Variants in NPAS2 observed in about 807,000 individuals in gnomAD.
NPAS2 encodes the protein neuronal PAS domain protein 2.
NPAS2 carries 23 observed loss-of-function variants against 107.5 expected under a neutral mutation model. The observed-to-expected ratio is 0.21, with a 90% CI of 0.15 to 0.30. NPAS2 has a LOEUF of 0.30. Among genes scored for constraint, NPAS2 ranks in the 10% least tolerant of loss-of-function variants. The pLI is 1.00. For missense variants in NPAS2, 756 were observed against 1,043.3 expected (o/e 0.72, Z 3.79); for synonymous variants, 403 against 417.5 (o/e 0.97, Z 0.42).
At chr2:100,878,710 A>G (rs1310041132) in intron 1 of NPAS2, 1 of 576,188 alleles carries the variant, frequency 1.7e-6, no homozygotes, top group Admixed American at 6.3e-5. Context: ...ACTGATACCC[A>G]ACTATAAGGG....
intron 14 of NPAS2, chr2:100,977,007 A>G (rs1490857420): frequency 1.3e-5 from 2 of 151,988 alleles, no homozygotes; most frequent in African/African-American, 4.8e-5. Context: ...CCGTGTCGGA[A>G]TAACTTCAGA....
At chr2:100,882,412 A>G (rs193269799) in intron 1 of NPAS2, among the ~76,000 whole-genome samples, 149 of 152,324 alleles carry the variant, frequency 9.8e-4, no homozygotes, top group Admixed American at 4.4e-3. Context: ...GTTCGAGACC[A>G]TCCTGGCTAA....
intron 4 of NPAS2, among the ~76,000 whole-genome samples, chr2:100,937,072 G>A (rs116774465): frequency 0.014 from 2,125 of 151,906 alleles, 59 homozygotes; most frequent in African/African-American, 0.048. Flanking sequence ...CAAGCACCCA[G>A]GACAGTGTGC....
intron 16 of NPAS2, chr2:100,985,339 A>G (rs576813369): frequency 6.5e-6 from 1 of 152,822 alleles, no homozygotes; most frequent in Admixed American, 6.5e-5. Flanking sequence ...CCTTCCATCC[A>G]TCCTTTAGTC....
rs770115381 is a variant in NPAS2, at chr2:100,995,510, C to G, written c.2403C>G (p.Pro801=). The part of the protein sequence containing the change: ...LGYPQPPPAQ[P]QPLRPPRRVS... ...ACCCCCAACCACCCCCAGCACAGCC[C>G]CAGCCCCTACGTCCTCCCCGAAGGG... Residue 801 remains proline (P), a synonymous_variant, in exon 21 of 21, where the codon CCC becomes CCG. Coordinates refer to ENST00000335681, the MANE Select transcript of NPAS2 (RefSeq NM_002518.4). The G allele has an allele frequency of 3.7e-6, 6 of 1,613,816 alleles. No homozygotes were observed. The East Asian group carries it at 1.1e-4, about 30-fold the overall frequency.
chr2:100,950,170 A>G (rs1573699249), intron 7 of NPAS2, among the ~76,000 whole-genome samples: 1 of 152,234 alleles, frequency 6.6e-6, no homozygotes, highest in Admixed American at 6.5e-5. Flanking sequence ...TCCTAAGCCA[A>G]CTTGGTTATG....
chr2:100,833,308 T>C (rs570730932), intron 1 of NPAS2, among the ~76,000 whole-genome samples: 9 of 152,308 alleles, frequency 5.9e-5, no homozygotes, highest in Admixed American at 2.0e-4. Flanking sequence ...ATACTCAGGA[T>C]GAGAATCAAG....
chr2:100,959,588 C>A (rs926074768), intron 7 of NPAS2, among the ~76,000 whole-genome samples: 1 of 152,198 alleles, frequency 6.6e-6, no homozygotes, highest in Non-Finnish European at 1.5e-5. Context: ...AAGTTATTTT[C>A]CCCTCAACAT....
chr2:100,950,932 T>C (rs188375308), intron 7 of NPAS2, among the ~76,000 whole-genome samples: 10 of 152,296 alleles, frequency 6.6e-5, no homozygotes, highest in African/African-American at 2.4e-4. Flanking sequence ...GAAGCTCTCG[T>C]TGGGCTACTC....
intron 1 of NPAS2, among the ~76,000 whole-genome samples, chr2:100,830,313 A>T (rs1040690469): frequency 6.6e-6 from 1 of 152,098 alleles, no homozygotes; most frequent in South Asian, 2.1e-4. Flanking sequence ...AGATGGGTTA[A>T]CTCCATTTCT....
At chr2:100,861,020 C>A (rs1678908410) in intron 1 of NPAS2, among the ~76,000 whole-genome samples, 1 of 151,288 alleles carries the variant, frequency 6.6e-6, no homozygotes, top group African/African-American at 2.4e-5. Flanking sequence ...AGGTACACAC[C>A]ACCACCCCCA....
chr2:100,992,818 T>C (rs1223449207), intron 19 of NPAS2, among the ~76,000 whole-genome samples: 1 of 152,244 alleles, frequency 6.6e-6, no homozygotes, highest in Non-Finnish European at 1.5e-5. Flanking sequence ...TTATATATTC[T>C]GTTATCGGTC....
chr2:100,972,270 G>T (rs1378540313), intron 12 of NPAS2, among the ~76,000 whole-genome samples: 1 of 152,172 alleles, frequency 6.6e-6, no homozygotes, highest in Non-Finnish European at 1.5e-5. Flanking sequence ...CTCCCACTGA[G>T]AGAAAAATTG....
chr2:100,918,393 T>A (rs1683018385), intron 2 of NPAS2, among the ~76,000 whole-genome samples: 1 of 152,074 alleles, frequency 6.6e-6, no homozygotes, highest in Non-Finnish European at 1.5e-5. Flanking sequence ...AGAGAAAAAA[T>A]TGTTAAACCT....
rs558415642 is a variant in NPAS2, at chr2:100,836,998, C to T, written c.-23+16584C>T. Among the ~76,000 whole-genome samples, 4 of 152,260 alleles carry T rather than the reference C, an allele frequency of 2.6e-5. No homozygotes were observed. In the South Asian group the frequency reaches 6.2e-4, roughly 24 times the overall value. Reference sequence around the variant, plus strand: ...TACCTTTGAACACTTTAGTGTGGCTCATCTGGTGGCCACACTCACATTGCT... The same window carrying T: ...TACCTTTGAACACTTTAGTGTGGCTTATCTGGTGGCCACACTCACATTGCT... On this transcript the variant is annotated intron_variant, in intron 1 of 20. Transcript: ENST00000335681.
chr2:100,983,971 T>C (rs1677628024), intron 16 of NPAS2: 1 of 152,262 alleles, frequency 6.6e-6, no homozygotes, highest in South Asian at 2.1e-4. Context: ...TTCTACTTCC[T>C]GCCTTTTCTG....
Position 100,968,249 on chromosome 2 carries a change from G to T in NPAS2, c.908-32G>T. On this transcript the variant is annotated intron_variant, in intron 10 of 20. Coordinates refer to ENST00000335681, the MANE Select transcript of NPAS2 (RefSeq NM_002518.4). This position sits in a 1 kb window ranked among gnomAD's most constrained non-coding sequence, Gnocchi z 5.3. ...AAAAGATCATTTTCATATTAACATTGGTTATATGCGGAATCCATTTTCTAC... is the reference window on the plus strand; with the variant it reads ...AAAAGATCATTTTCATATTAACATTTGTTATATGCGGAATCCATTTTCTAC... The T allele has an allele frequency of 6.2e-7, 1 of 1,604,728 alleles. No homozygotes were observed. The highest frequency in any genetic ancestry group is 1.1e-5 in the South Asian group (1 of 90,648).
Position 100,968,207 on chromosome 2 carries a change from T to C in NPAS2, c.908-74T>C. ...GTCTTTTTTTTTGAAAGCTTATCTT[T>C]ACAATAACTCTTGGGGAAAAGATCA... On this transcript the variant is annotated intron_variant, in intron 10 of 20. Transcript: ENST00000335681. This position sits in a 1 kb window ranked among gnomAD's most constrained non-coding sequence, Gnocchi z 5.3. 1 of 1,501,678 alleles carries C rather than the reference T, an allele frequency of 6.7e-7. No individual in the cohort carries two copies. The highest frequency in any genetic ancestry group is 1.4e-5 in the African/African-American group (1 of 72,344). 93.0% of individuals were successfully genotyped at this position (1,501,678 alleles called of 1,614,324 possible).
At chr2:100,837,986 G>T (rs1410074303) in intron 1 of NPAS2, among the ~76,000 whole-genome samples, 1 of 152,114 alleles carries the variant, frequency 6.6e-6, no homozygotes, top group African/African-American at 2.4e-5. Context: ...GTGGGAACAG[G>T]TCTTCAGCCT....
Sources: allele counts gnomAD v4.1 joint callset (sites outside exome capture counted in the v4.1 genomes callset), GRCh38; gene constraint gnomAD v4.1.1; non-coding constraint Gnocchi (gnomAD v3.1); transcripts MANE v1.5; gene names NCBI Gene and HGNC (gene_info 2026-07-23, HGNC 2026-07-21).